EEA1: variants seen among roughly 807,000 people sequenced by gnomAD.
EEA1 encodes early endosome antigen 1.
A neutral mutation model predicts 209.2 loss-of-function variants in EEA1; 111 were observed. That is an observed-to-expected ratio of 0.53 (90% CI 0.45 to 0.62). The LOEUF is 0.62. Among genes scored for constraint, EEA1 ranks in the 20% least tolerant of loss-of-function variants. The pLI, the probability that EEA1 is intolerant of heterozygous loss-of-function variation, is 0.00. For missense variants in EEA1, 1,343 were observed against 1,530.8 expected (o/e 0.88, Z 2.05); for synonymous variants, 536 against 540.6 (o/e 0.99, Z 0.12).
At chr12:92,819,687 A>G (rs1875959443) in intron 13 of EEA1, among the ~76,000 whole-genome samples, 176 bp from the exon 14 acceptor site, 1 of 152,166 alleles carries the variant, frequency 6.6e-6, no homozygotes, top group Non-Finnish European at 1.5e-5. Context: ...ATATTTAATA[A>G]TATAAATCTA....
chr12:92,905,216 C>T (rs996078255), intron 1 of EEA1, among the ~76,000 whole-genome samples: 1 of 152,050 alleles, frequency 6.6e-6, no homozygotes, highest in African/African-American at 2.4e-5. Flanking sequence ...AGAAAAAAGA[C>T]CAAATATATA....
chr12:92,870,044 T>C (rs1878570413), intron 2 of EEA1, among the ~76,000 whole-genome samples: 1 of 152,132 alleles, frequency 6.6e-6, no homozygotes, highest in East Asian at 1.9e-4. Flanking sequence ...TATAAAGTTT[T>C]TCCTGAGTTC....
intron 1 of EEA1, among the ~76,000 whole-genome samples, chr12:92,915,518 A>C (rs1880732627): frequency 6.6e-6 from 1 of 152,154 alleles, no homozygotes; most frequent in Non-Finnish European, 1.5e-5. Context: ...GAAGGTACTC[A>C]GAAATCATTT....
At chr12:92,900,868 C>T (rs534751562) in intron 1 of EEA1, among the ~76,000 whole-genome samples, 2 of 152,186 alleles carry the variant, frequency 1.3e-5, no homozygotes, top group Admixed American at 6.5e-5. Context: ...AGGGTTTCAC[C>T]ATGTTGGCCA....
chr12:92,799,180 T>G, intron 20 of EEA1, 94 bp from the exon 21 acceptor site: 2 of 1,136,442 alleles, frequency 1.8e-6, no homozygotes, highest in Non-Finnish European at 2.4e-6. Context: ...TAGCCTTCAT[T>G]TGTTCATTCA....
chr12:92,910,021 T>C (rs1271044500), intron 1 of EEA1, among the ~76,000 whole-genome samples: 1 of 152,080 alleles, frequency 6.6e-6, no homozygotes, highest in African/African-American at 2.4e-5. Flanking sequence ...CAGCCACCTG[T>C]AATCCCAGCT....
chr12:92,818,867 T>C (rs1412349674), intron 14 of EEA1, among the ~76,000 whole-genome samples: 2 of 152,340 alleles, frequency 1.3e-5, no homozygotes, highest in East Asian at 3.9e-4. Flanking sequence ...GACATATACT[T>C]TATCAAAATA....
intron 21 of EEA1, among the ~76,000 whole-genome samples, chr12:92,796,503 C>A (rs984592944): frequency 1.3e-5 from 2 of 151,606 alleles, no homozygotes; most frequent in Non-Finnish European, 2.9e-5. Context: ...TGCATTATGA[C>A]CTTCAATGTG....
At position 92,774,812 on chromosome 12, in the gene EEA1, A is replaced by T. The variant is rs1036612551; in HGVS notation, c.*1199T>A. On this transcript the variant is annotated 3_prime_UTR_variant, in exon 29 of 29. Transcript: ENST00000322349. Reference sequence around the variant, plus strand: ...TTAAAACTGGGAACAGTTGACATGGAACACCAAATTCAGAACCATTTTAAC... The same window carrying T: ...TTAAAACTGGGAACAGTTGACATGGTACACCAAATTCAGAACCATTTTAAC... 6.6e-6 allele frequency: 1 copy of T among 151,698 alleles called. No individual in the cohort carries two copies. Among genetic ancestry groups the T allele is most frequent in the Admixed American group, 6.6e-5 (1 of 15,198 alleles). The allele number at this position is 151,698 out of a possible 1,614,324, so 9.4% of individuals were successfully genotyped here. A position where few individuals can be genotyped will look rare whatever the true frequency, so the allele number is the denominator to read the frequency against.
chr12:92,818,219 A>G (rs1875883836), intron 14 of EEA1, among the ~76,000 whole-genome samples: 1 of 151,982 alleles, frequency 6.6e-6, no homozygotes, highest in Non-Finnish European at 1.5e-5. Context: ...AATATCTCAC[A>G]TCCTCGGTTC....
chr12:92,781,780 C>G (rs1873913462), intron 23 of EEA1, among the ~76,000 whole-genome samples, 170 bp downstream of exon 23: 1 of 152,108 alleles, frequency 6.6e-6, no homozygotes, highest in South Asian at 2.1e-4. Flanking sequence ...TTAAGAAGTA[C>G]TTCCTAGCAT....
At position 92,846,365 on chromosome 12, in the gene EEA1, T is replaced by C. The variant is rs1304689210; in HGVS notation, c.799-3784A>G. 3.9e-5 allele frequency among the ~76,000 whole-genome samples: 6 copies of C among 152,200 alleles called. No homozygotes were observed. The East Asian group carries it at 1.2e-3, about 29-fold the overall frequency. On this transcript the variant is annotated intron_variant, in intron 9 of 28. Coordinates refer to ENST00000322349, the MANE Select transcript of EEA1 (RefSeq NM_003566.4). Reference sequence around the variant, plus strand: ...CAAAAGTACACACTGAGCACATAATTAAAATGACCAAACATGCCTACACAT... The same window carrying C: ...CAAAAGTACACACTGAGCACATAATCAAAATGACCAAACATGCCTACACAT...
chr12:92,815,028 T>C (rs1875711900), intron 15 of EEA1, among the ~76,000 whole-genome samples: 1 of 152,210 alleles, frequency 6.6e-6, no homozygotes, highest in African/African-American at 2.4e-5. Flanking sequence ...CTCAGAGTCC[T>C]AATTCTCAAA....
At chr12:92,785,211 G>A (rs1225230902) in intron 22 of EEA1, among the ~76,000 whole-genome samples, 1 of 152,088 alleles carries the variant, frequency 6.6e-6, no homozygotes, top group Non-Finnish European at 1.5e-5. Flanking sequence ...ACAACAAAGA[G>A]TGGTGTACAG....
In EEA1 at chr12:92,802,505, T is replaced by C. The variant is rs1449039653; in HGVS notation, c.2569A>G (p.Thr857Ala). Residue 857 changes from threonine (T) to alanine (A), a missense_variant, in exon 19 of 29, where the codon ACA becomes GCA. By Grantham distance (58) the Thr-to-Ala change is moderately conservative. This residue lies in a region of EEA1 where 1,307 missense variants were observed against 1,465.5 expected (regional missense o/e 0.89). Transcript: ENST00000322349. Reference sequence around the variant, plus strand: ...ACTTTTGATAGTTTGTCCTTTACTGTAGAAAGCTCTGTCATTAAAGCTTCT... The same window carrying C: ...ACTTTTGATAGTTTGTCCTTTACTGCAGAAAGCTCTGTCATTAAAGCTTCT... ...EKEALMTELS[T>A]VKDKLSKVSD... The C allele has an allele frequency of 6.3e-7, 1 of 1,594,184 alleles. No individual in the cohort carries two copies. Among genetic ancestry groups the C allele is most frequent in the Non-Finnish European group, 8.5e-7 (1 of 1,174,330 alleles).
chr12:92,771,710 A>G lies in EEA1; in HGVS notation c.*4301T>C, dbSNP rs1272214119. The G allele has an allele frequency of 6.6e-6, 1 of 152,016 alleles. No homozygotes were observed. The highest frequency in any genetic ancestry group is 1.5e-5 in the Non-Finnish European group (1 of 67,912). The allele number at this position is 152,016 out of a possible 1,614,324, so 9.4% of individuals were successfully genotyped here. The stretch of plus-strand genomic sequence containing the variant: ...GTTAAAAAAAATTTTTACATTAACA[A>G]TCATCTTGCAAATGTTTAGATATAA... On this transcript the variant is annotated 3_prime_UTR_variant, in exon 29 of 29. Coordinates refer to ENST00000322349, the MANE Select transcript of EEA1 (RefSeq NM_003566.4).
chr12:92,803,006 T>C (rs561624264), intron 18 of EEA1, among the ~76,000 whole-genome samples: 1 of 152,180 alleles, frequency 6.6e-6, no homozygotes, highest in South Asian at 2.1e-4. Context: ...TCCATTTTTG[T>C]CCGCCACAAC....
At chr12:92,885,679 G>A (rs143832845) in intron 2 of EEA1, among the ~76,000 whole-genome samples, 22 of 152,270 alleles carry the variant, frequency 1.4e-4, no homozygotes, top group African/African-American at 5.1e-4. Flanking sequence ...CATCCACTAA[G>A]TGGAAGTGGA....
intron 5 of EEA1, among the ~76,000 whole-genome samples, chr12:92,856,678 A>G (rs1877895269): frequency 6.6e-6 from 1 of 151,470 alleles, no homozygotes; most frequent in Admixed American, 6.6e-5. Context: ...TACTGTTTGA[A>G]CCTATTTTTT....
Sources: gnomAD v4.1 joint callset for allele counts (sites outside exome capture counted in the v4.1 genomes callset) on GRCh38, gnomAD v4.1.1 for gene constraint, gnomAD v4.1.1 regional missense constraint, MANE v1.5 for transcripts, NCBI Gene and HGNC (gene_info 2026-07-23, HGNC 2026-07-21) for gene names.